LYPD6B: variants seen among roughly 807,000 people sequenced by gnomAD.
LYPD6B encodes the protein LY6/PLAUR domain containing 6B.
LYPD6B carries 17 observed loss-of-function variants against 22.8 expected under a neutral mutation model. The ratio of observed to expected loss-of-function variants is 0.75; its 90% CI spans 0.51 to 1.12. The LOEUF (loss-of-function observed/expected upper bound fraction) is 1.12, where lower values mean the gene tolerates loss of function less well. Among genes scored for constraint, LYPD6B ranks in the 50% most tolerant of loss-of-function variants. The pLI is 0.00. For missense variants in LYPD6B, 221 were observed against 258.3 expected (o/e 0.86, Z 0.99); for synonymous variants, 106 against 91.6 (o/e 1.16, Z -0.90).
rs766184295 is a variant in LYPD6B, at chr2:149,086,285, A to G, written c.-66-44598A>G. On this transcript the variant is annotated intron_variant, in intron 1 of 6. Transcript: ENST00000409642. ...TCTAGAAAAAAGAAAGCAGCCATCCATTCTTCCCCTGATCAGAAAGGCAAG... is the reference window on the plus strand; with the variant it reads ...TCTAGAAAAAAGAAAGCAGCCATCCGTTCTTCCCCTGATCAGAAAGGCAAG... 5.3e-5 allele frequency among the ~76,000 whole-genome samples: 8 copies of G among 152,312 alleles called. No homozygotes were observed. In the East Asian group the frequency reaches 7.7e-4, roughly 15 times the overall value.
intron 3 of LYPD6B, among the ~76,000 whole-genome samples, chr2:149,161,828 G>A (rs567177019): frequency 6.6e-6 from 1 of 152,310 alleles, no homozygotes; most frequent in South Asian, 2.1e-4. Flanking sequence ...GTTTGTTAAT[G>A]ATAATTATAT....
chr2:149,215,134 C>T lies in LYPD6B; in HGVS notation c.*424C>T, dbSNP rs1694107612. 2 of 159,232 alleles carry T rather than the reference C, an allele frequency of 1.3e-5. No individual in the cohort carries two copies. Among genetic ancestry groups the T allele is most frequent in the Non-Finnish European group, 2.7e-5 (2 of 72,732 alleles). The allele number at this position is 159,232 out of a possible 1,614,324, so 9.9% of individuals were successfully genotyped here. A position where few individuals can be genotyped will look rare whatever the true frequency, so the allele number is the denominator to read the frequency against. On this transcript the variant is annotated 3_prime_UTR_variant, in exon 7 of 7. Transcript: ENST00000409642. ...TCTAACCCTTCCCCTCATGAGAAAGCAGTTTTCCCCACCAACAGCATAGTC... is the reference window on the plus strand; with the variant it reads ...TCTAACCCTTCCCCTCATGAGAAAGTAGTTTTCCCCACCAACAGCATAGTC...
chr2:149,151,177 T>A (rs1575070239), intron 2 of LYPD6B, among the ~76,000 whole-genome samples: 1 of 152,168 alleles, frequency 6.6e-6, no homozygotes, highest in South Asian at 2.1e-4. Context: ...TATGAATGGG[T>A]GGGGCTCTCC....
At chr2:149,111,317 A>G (rs1686748607) in intron 1 of LYPD6B, among the ~76,000 whole-genome samples, 1 of 152,174 alleles carries the variant, frequency 6.6e-6, no homozygotes, top group South Asian at 2.1e-4. Flanking sequence ...AGAATTGACT[A>G]TAGGTAAAGG....
rs775556861 is a variant in LYPD6B at position 149,189,367 on chromosome 2, TACAC to T, written c.78-15880_78-15877del. 8.2e-3 allele frequency among the ~76,000 whole-genome samples: 659 copies of T among 80,166 alleles called. 23 individuals are homozygous for T. Among genetic ancestry groups the T allele is most frequent in the South Asian group, 0.013 (31 of 2,330 alleles). 52.6% of individuals were successfully genotyped at this position (80,166 alleles called of 152,430 possible). On this transcript the variant is annotated intron_variant, in intron 3 of 6. Transcript: ENST00000409642. ...TTATATATATATATATATATATATATACACACACATATGTATATATGTATATATC... is the reference window on the plus strand; with the variant it reads ...TTATATATATATATATATATATATATACACATATGTATATATGTATATATC...
chr2:149,129,703 G>C (rs1409380306), intron 1 of LYPD6B, among the ~76,000 whole-genome samples: 2 of 152,210 alleles, frequency 1.3e-5, no homozygotes, highest in Non-Finnish European at 2.9e-5. Context: ...ATTCCCAGCT[G>C]CTGGTGCTAA....
At chr2:149,042,556 G>A (rs1203347843) in intron 1 of LYPD6B, among the ~76,000 whole-genome samples, 1 of 152,174 alleles carries the variant, frequency 6.6e-6, no homozygotes, top group East Asian at 1.9e-4. Flanking sequence ...GAGGGAATGA[G>A]GTAGAGAGAA....
Position 149,160,800 on chromosome 2 carries a change from A to C in LYPD6B, c.42A>C (p.Pro14=). 6.4e-7 allele frequency: 1 copy of C among 1,556,520 alleles called. No individual in the cohort carries two copies. The highest frequency in any genetic ancestry group is 1.2e-5 in the South Asian group (1 of 84,420). ...TGAGTGCAAACCTTTTCACTGTTCC[A>C]GAGAGGAGCCTGACAACCACATTCT... is the stretch of plus-strand genomic sequence containing the variant. The part of the protein sequence containing the change: ...ITLSANLFTV[P]ERSLTTTFSF... The change falls in exon 3 of 7, where the codon CCA becomes CCC. Residue 14 remains proline (P), a synonymous_variant. Transcript: ENST00000409642.
chr2:149,214,629 C>T lies in LYPD6B; in HGVS notation c.543C>T (p.His181=), dbSNP rs377527078. 6.5e-5 allele frequency: 105 copies of T among 1,613,886 alleles called. No homozygotes were observed. Among genetic ancestry groups the T allele is most frequent in the South Asian group, 5.5e-4 (50 of 91,084 alleles). Residue 181 remains histidine, a synonymous_variant, in exon 7 of 7, where the codon CAC becomes CAT. Coordinates refer to ENST00000409642, the MANE Select transcript of LYPD6B (RefSeq NM_177964.5). ...NHTNAVFAVM[H]AQRTSGSSAP... ...CTAATGCAGTGTTTGCCGTAATGCA[C>T]GCTCAGAGAACATCTGGCAGCAGTG...
chr2:149,181,489 C>G (rs1691716379), intron 3 of LYPD6B, among the ~76,000 whole-genome samples: 3 of 152,200 alleles, frequency 2.0e-5, no homozygotes, highest in Admixed American at 1.3e-4. Context: ...CCCAGCCACT[C>G]TCTGCTGGAT....
At chr2:149,187,033 A>G (rs1464780322) in intron 3 of LYPD6B, among the ~76,000 whole-genome samples, 1 of 152,218 alleles carries the variant, frequency 6.6e-6, no homozygotes, top group Non-Finnish European at 1.5e-5. Flanking sequence ...TAAGGCTCAG[A>G]TGATAGGTAG....
intron 3 of LYPD6B, chr2:149,161,501 AT>A: frequency 6.6e-6 from 1 of 152,272 alleles, no homozygotes; most frequent in African/African-American, 2.4e-5. Flanking sequence ...GCCTGATTCC[AT>A]TTTTTTAGGT....
chr2:149,085,576 A>G (rs1685350159), intron 1 of LYPD6B, among the ~76,000 whole-genome samples: 1 of 152,222 alleles, frequency 6.6e-6, no homozygotes, highest in Non-Finnish European at 1.5e-5. Flanking sequence ...TGAGTCCTTT[A>G]AAGTAGTTTC....
chr2:149,145,272 C>T (rs1688946770), intron 2 of LYPD6B, among the ~76,000 whole-genome samples: 1 of 152,156 alleles, frequency 6.6e-6, no homozygotes, highest in African/African-American at 2.4e-5. Context: ...AGAGAGAAAC[C>T]CTTCTCAAAC....
chr2:149,135,178 G>A (rs950693691), intron 2 of LYPD6B, among the ~76,000 whole-genome samples: 26 of 151,626 alleles, frequency 1.7e-4, no homozygotes, highest in South Asian at 2.1e-4. Flanking sequence ...CCGGGAGACG[G>A]AGGTTGTAGT....
chr2:149,194,418 G>T (rs1452424677), intron 3 of LYPD6B, among the ~76,000 whole-genome samples: 2 of 152,144 alleles, frequency 1.3e-5, no homozygotes, highest in African/African-American at 2.4e-5. Context: ...AAACAACCTG[G>T]CATTATTTAA....
intron 1 of LYPD6B, among the ~76,000 whole-genome samples, chr2:149,087,700 G>A (rs1410580710): frequency 1.3e-5 from 2 of 152,092 alleles, no homozygotes; most frequent in Non-Finnish European, 2.9e-5. Flanking sequence ...TAGCAGAATC[G>A]GGACCTGGTG....
chr2:149,134,935 C>T (rs1048001537), intron 2 of LYPD6B, among the ~76,000 whole-genome samples: 5 of 152,104 alleles, frequency 3.3e-5, no homozygotes, highest in Non-Finnish European at 7.4e-5. Flanking sequence ...TTTAAAGCAA[C>T]CATCAACTCT....
chr2:149,160,531 G>A (rs777949935), intron 2 of LYPD6B: 1 of 632,688 alleles, frequency 1.6e-6, no homozygotes, highest in Non-Finnish European at 2.9e-6. Context: ...GGGCCCAGGT[G>A]TGTGTTAATA....
Sources: allele counts gnomAD v4.1 joint callset (sites outside exome capture counted in the v4.1 genomes callset), GRCh38; gene constraint gnomAD v4.1.1; transcripts MANE v1.5; gene names NCBI Gene and HGNC (gene_info 2026-07-23, HGNC 2026-07-21).